The following SETD4 variants were observed in gnomAD, a reference collection of about 807,000 sequenced individuals.
The protein encoded by SETD4 is SET domain-containing protein 4.
A neutral mutation model predicts 58.3 loss-of-function variants in SETD4; 46 were observed. That is an observed-to-expected ratio of 0.79 (90% CI 0.62 to 1.01). The LOEUF is 1.01. Among genes scored for constraint, SETD4 ranks in the 50% least tolerant of loss-of-function variants. The probability of loss-of-function intolerance (pLI) is 0.00; values close to 1 mark genes in which losing one functional copy is unlikely to be tolerated. For synonymous variants in SETD4, 190 were observed against 202.6 expected, an observed-to-expected ratio of 0.94 and a Z score of 0.53; for missense variants, 490 against 523.3, an observed-to-expected ratio of 0.94 and a Z score of 0.62.
chr21:36,053,170 A>G (rs2064802386), intron 4 of SETD4: 1 of 199,260 alleles, frequency 5.0e-6, no homozygotes. Context: ...GAATTTCCTT[A>G]AAGGAAGGAA....
intron 6 of SETD4, among the ~76,000 whole-genome samples, chr21:36,044,999 G>A (rs1388543438): frequency 5.3e-5 from 8 of 152,080 alleles, no homozygotes; most frequent in African/African-American, 1.9e-4. Flanking sequence ...CCCAAATCAG[G>A]TTTCTTTCAT....
intron 8 of SETD4, 117 bp downstream of exon 8, chr21:36,041,690 T>A (rs1440859476): frequency 3.0e-6 from 2 of 669,572 alleles, no homozygotes; most frequent in Non-Finnish European, 5.1e-6. Flanking sequence ...GCTCAATACC[T>A]ACCCGTCAGC....
rs1296331762 is a variant in SETD4, at chr21:36,057,225, A to G, written c.74-21T>C. On this transcript the variant is annotated intron_variant, in intron 2 of 11. Coordinates refer to ENST00000332131, the MANE Select transcript of SETD4 (RefSeq NM_017438.5). ...ATTCACTATCAGGCAAGGAGAGAAC[A>G]AATGGTGATTAAAACCACTATATAA... is the stretch of plus-strand genomic sequence containing the variant. 7 of 1,571,570 alleles carry G rather than the reference A, an allele frequency of 4.5e-6. No individual in the cohort carries two copies. The South Asian group carries it at 7.8e-5, about 17-fold the overall frequency.
At chr21:36,057,468 G>C (rs113538339) in intron 2 of SETD4, 1 of 610,700 alleles carries the variant, frequency 1.6e-6, no homozygotes. Flanking sequence ...AACACAGAAA[G>C]ACCCCATCTC....
At chr21:36,053,437 G>A (rs2064815174) in intron 4 of SETD4, 146 bp downstream of exon 4, 2 of 797,516 alleles carry the variant, frequency 2.5e-6, no homozygotes, top group South Asian at 3.3e-5. Context: ...CTTAATCCTA[G>A]TTGATAGAAC....
chr21:36,036,264 T>G lies in SETD4; in HGVS notation c.1189-13A>C, dbSNP rs1381782352. 6.4e-7 allele frequency: 1 copy of G among 1,574,236 alleles called. No homozygotes were observed. ...TCATATGAGACACCTGAAAGTTATTTTTTAATTATTGTTATTGTAGTAAAA... is the reference window on the plus strand; with the variant it reads ...TCATATGAGACACCTGAAAGTTATTGTTTAATTATTGTTATTGTAGTAAAA... On this transcript the variant is annotated splice_polypyrimidine_tract_variant and intron_variant, in intron 10 of 11. Coordinates refer to ENST00000332131, the MANE Select transcript of SETD4 (RefSeq NM_017438.5).
intron 5 of SETD4, 55 bp downstream of exon 5, chr21:36,048,253 G>T: frequency 7.0e-7 from 1 of 1,420,984 alleles, no homozygotes; most frequent in South Asian, 1.1e-5. Context: ...ATTTGCCATT[G>T]ACAGACCTTA....
intron 5 of SETD4, among the ~76,000 whole-genome samples, chr21:36,047,834 C>CAAAAAAAAAA (rs34827028): frequency 2.8e-3 from 197 of 69,492 alleles, no homozygotes; most frequent in African/African-American, 3.3e-3. Flanking sequence ...ACTAAAAATA[C>CAAAAAAAAAA]AAAAAAAAAA....
chr21:36,037,889 G>T lies in SETD4; in HGVS notation c.1188+261C>A, dbSNP rs576177452. ...CGGGTGCCTGTAATCCCAGCTACCC[G>T]GGAGGCTGAGGCAGGAGGATCGCTT... On this transcript the variant is annotated intron_variant, in intron 10 of 11. Transcript: ENST00000332131. 3.9e-5 allele frequency among the ~76,000 whole-genome samples: 6 copies of T among 152,150 alleles called. No homozygotes were observed. In the South Asian group the frequency reaches 8.3e-4, roughly 21 times the overall value.
In SETD4 at chr21:36,045,809, G is replaced by A. The variant is rs1339776332; in HGVS notation, c.499C>T (p.Gln167Ter). The A allele has an allele frequency of 1.2e-6, 2 of 1,614,206 alleles. No homozygotes were observed. The highest frequency in any genetic ancestry group is 1.3e-5 in the African/African-American group (1 of 75,048). The change falls in exon 6 of 12, where the codon CAG (glutamine) becomes TAG (stop). Residue 167 changes from glutamine (Q) to a stop codon, truncating the protein, a stop_gained. Coordinates refer to ENST00000332131, the MANE Select transcript of SETD4 (RefSeq NM_017438.5). LOFTEE classifies it high-confidence loss of function. ...AKAEEQRAHV[Q>*]EFFASSRDFF... The stretch of plus-strand genomic sequence containing the variant: ...TCTCTGGAGGAAGCAAAGAACTCCT[G>A]CACGTGGGCTCTCTGCTCTTCAGCC...
At chr21:36,044,963 G>A (rs1167792041) in intron 6 of SETD4, among the ~76,000 whole-genome samples, 4 of 152,156 alleles carry the variant, frequency 2.6e-5, no homozygotes, top group African/African-American at 9.7e-5. Flanking sequence ...GGAAAGCGCT[G>A]GGGAGGAGGC....
chr21:36,038,776 C>G (rs1568901413), intron 9 of SETD4, among the ~76,000 whole-genome samples: 1 of 152,124 alleles, frequency 6.6e-6, no homozygotes, highest in Non-Finnish European at 1.5e-5. Context: ...TATCCCCATG[C>G]AGGTCATTCC....
rs2065235771 is a variant in SETD4, at chr21:36,060,421, C to G, written c.-111G>C. The G allele has an allele frequency of 6.6e-6, 1 of 152,506 alleles. No homozygotes were observed. The highest frequency in any genetic ancestry group is 2.4e-5 in the African/African-American group (1 of 41,462). 9.4% of individuals were successfully genotyped at this position (152,506 alleles called of 1,614,324 possible). On this transcript the variant is annotated 5_prime_UTR_variant, in exon 1 of 12. Transcript: ENST00000332131. ...AAGGCACGTGGAAATACCAAACAGC[C>G]CCAGATGAAGGCAAGTTAAAGGAAC...
chr21:36,059,023 A>T, intron 1 of SETD4, 99 bp from the exon 2 acceptor site: 1 of 1,331,684 alleles, frequency 7.5e-7, no homozygotes. Flanking sequence ...TATGATAATC[A>T]CTGTTCTTTG....
intron 10 of SETD4, among the ~76,000 whole-genome samples, chr21:36,037,104 T>C (rs537958654): frequency 6.6e-6 from 1 of 151,946 alleles, no homozygotes; most frequent in Non-Finnish European, 1.5e-5. Context: ...AAGAGATCTA[T>C]GGTACATCGT....
chr21:36,039,546 G>A (rs1336787076), intron 9 of SETD4, among the ~76,000 whole-genome samples: 1 of 152,194 alleles, frequency 6.6e-6, no homozygotes, highest in Non-Finnish European at 1.5e-5. Flanking sequence ...CAGAAAACAA[G>A]ACAAAGGAAG....
At chr21:36,059,518 T>C (rs1461756185) in intron 1 of SETD4, 3 of 156,136 alleles carry the variant, frequency 1.9e-5, no homozygotes, top group African/African-American at 7.7e-5. Context: ...TGAAACCCCG[T>C]CTCTACTAAA....
intron 4 of SETD4, among the ~76,000 whole-genome samples, chr21:36,049,187 TTAAA>T (rs2064515174): frequency 1.3e-5 from 2 of 151,998 alleles, no homozygotes; most frequent in African/African-American, 4.8e-5. Context: ...AGAAAACAGT[TTAAA>T]TAAACACTGC....
chr21:36,036,086 AGAG>A lies in SETD4; in HGVS notation c.*28_*30del. 6.2e-7 allele frequency: 1 copy of A among 1,614,126 alleles called. No homozygotes were observed. The highest frequency in any genetic ancestry group is 8.5e-7 in the Non-Finnish European group (1 of 1,179,972). On this transcript the variant is annotated splice_region_variant and 3_prime_UTR_variant, in exon 11 of 12. Transcript: ENST00000332131. ...CTAAAATGTGTGACTAACACCCACC[AGAG>A]GAGGTGACCAAATGCGCTTCGGTGA...
Sources: gnomAD v4.1 joint callset for allele counts (sites outside exome capture counted in the v4.1 genomes callset) on GRCh38, gnomAD v4.1.1 for gene constraint, MANE v1.5 for transcripts, NCBI Gene and HGNC (gene_info 2026-07-23, HGNC 2026-07-21) for gene names.